The following RHOT1 variants were observed in gnomAD, a reference collection of about 807,000 sequenced individuals.
The protein encoded by RHOT1 is ras homolog family member T1, also known as mitochondrial Rho GTPase 1.
RHOT1 carries 27 observed loss-of-function variants against 95.3 expected under a neutral mutation model. The observed-to-expected ratio is 0.28, with a 90% CI of 0.21 to 0.39. RHOT1 has a LOEUF of 0.39. RHOT1 is among the 10% of genes least tolerant of loss of function. The pLI is 1.00. For missense variants in RHOT1, 578 were observed against 786.7 expected, an observed-to-expected ratio of 0.73 and a Z score of 3.17; for synonymous variants, 227 against 263.5, an observed-to-expected ratio of 0.86 and a Z score of 1.34.
chr17:32,177,578 A>G (rs961155906), intron 6 of RHOT1, among the ~76,000 whole-genome samples: 20 of 151,730 alleles, frequency 1.3e-4, no homozygotes, highest in Non-Finnish European at 2.9e-5. Context: ...ACACAGTGAA[A>G]CCCCATCTCT....
chr17:32,165,708 A>G (rs2034014921), intron 1 of RHOT1, among the ~76,000 whole-genome samples: 1 of 152,190 alleles, frequency 6.6e-6, no homozygotes, highest in African/African-American at 2.4e-5. Flanking sequence ...TTAGAAGTAA[A>G]ATGGAACTTG....
Position 32,211,185 on chromosome 17 carries a change from C to T in RHOT1, c.1809C>T (p.Asn603=), listed in dbSNP as rs757142962. The T allele has an allele frequency of 3.1e-6, 5 of 1,613,070 alleles. No individual in the cohort carries two copies. Among genetic ancestry groups the T allele is most frequent in the Non-Finnish European group, 4.2e-6 (5 of 1,179,196 alleles). ...TTTGCATCTGTCAGAACTTCCTCAA[C>T]TCAGACTTGCTGCAATCTGTAAAGA... ...CTFCICQNFL[N]SDLLQSVKNK... Residue 603 remains asparagine, a synonymous_variant, in exon 19 of 20, where the codon AAC becomes AAT. Transcript: ENST00000545287.
At chr17:32,216,273 C>G (rs1446445628) in intron 19 of RHOT1, among the ~76,000 whole-genome samples, 1 of 152,052 alleles carries the variant, frequency 6.6e-6, no homozygotes, top group Non-Finnish European at 1.5e-5. Context: ...TCTCAATCTC[C>G]TTCCCAGCTA....
chr17:32,205,535 A>G (rs2037651276), intron 16 of RHOT1, among the ~76,000 whole-genome samples: 1 of 152,256 alleles, frequency 6.6e-6, no homozygotes, highest in Non-Finnish European at 1.5e-5. Context: ...AGGCTACTCT[A>G]GGCACACTGC....
intron 3 of RHOT1, among the ~76,000 whole-genome samples, chr17:32,174,397 TTATC>T (rs1598352068): frequency 6.6e-6 from 1 of 152,236 alleles, no homozygotes; most frequent in African/African-American, 2.4e-5. Context: ...GTGGCTTGCA[TTATC>T]TGTATGTTGG....
At chr17:32,212,987 G>A (rs1163831973) in intron 19 of RHOT1, among the ~76,000 whole-genome samples, 1 of 151,958 alleles carries the variant, frequency 6.6e-6, no homozygotes, top group Non-Finnish European at 1.5e-5. Flanking sequence ...GTTGTAGTGC[G>A]ACTAGTCCAG....
intron 17 of RHOT1, chr17:32,207,277 A>G: frequency 2.8e-6 from 1 of 356,068 alleles, no homozygotes; most frequent in South Asian, 8.1e-5. Context: ...TTTTACATTA[A>G]TGCAAGCTCT....
chr17:32,193,070 C>A (rs2036615013), intron 9 of RHOT1, 66 bp from the exon 10 acceptor site: 4 of 938,506 alleles, frequency 4.3e-6, no homozygotes, highest in Non-Finnish European at 6.7e-6. Flanking sequence ...TGTAGATTAT[C>A]ATTTTATATT....
intron 17 of RHOT1, 111 bp downstream of exon 17, chr17:32,207,140 A>T: frequency 2.0e-6 from 2 of 988,570 alleles, no homozygotes; most frequent in Non-Finnish European, 3.0e-6. Context: ...TGTGTATTTT[A>T]AAAATACATA....
chr17:32,192,350 T>G, intron 9 of RHOT1, 51 bp downstream of exon 9: 1 of 1,046,886 alleles, frequency 9.6e-7, no homozygotes, highest in Non-Finnish European at 1.4e-6. Context: ...TTTTTTTTTT[T>G]TTTGCTGAAA....
intron 6 of RHOT1, chr17:32,179,299 C>A: frequency 6.8e-6 from 1 of 147,728 alleles, no homozygotes; most frequent in Non-Finnish European, 1.5e-5. Flanking sequence ...AGCTGCCACC[C>A]CGTCTGGGAT....
chr17:32,159,360 G>C (rs116744898), intron 1 of RHOT1: 2,006 of 153,340 alleles, frequency 0.013, 43 homozygotes, highest in African/African-American at 0.046. Flanking sequence ...AGTGTGATCA[G>C]GCATGGAGGG....
chr17:32,174,896 GTTA>G (rs2034870073), intron 3 of RHOT1, among the ~76,000 whole-genome samples: 1 of 152,112 alleles, frequency 6.6e-6, no homozygotes, highest in East Asian at 1.9e-4. Context: ...CTGGGTCTTG[GTTA>G]TTATTACTCC....
intron 19 of RHOT1, among the ~76,000 whole-genome samples, chr17:32,216,142 G>C (rs1453601608): frequency 1.3e-5 from 2 of 152,074 alleles, no homozygotes; most frequent in Admixed American, 1.3e-4. Flanking sequence ...TCTGACTTGA[G>C]AACACTCCTG....
chr17:32,164,786 A>G (rs554778822), intron 1 of RHOT1, among the ~76,000 whole-genome samples: 2 of 152,072 alleles, frequency 1.3e-5, no homozygotes, highest in African/African-American at 4.8e-5. Flanking sequence ...AGGATCGTTG[A>G]TCCTGGAAGG....
chr17:32,221,917 A>G (rs2038857590), intron 19 of RHOT1, among the ~76,000 whole-genome samples: 1 of 152,332 alleles, frequency 6.6e-6, no homozygotes, highest in African/African-American at 2.4e-5. Flanking sequence ...CCTGGACAAC[A>G]TAGTGAGACT....
chr17:32,182,683 G>A (rs1439305056), intron 6 of RHOT1, 74 bp from the exon 7 acceptor site: 1 of 878,444 alleles, frequency 1.1e-6, no homozygotes, highest in Non-Finnish European at 1.8e-6. Context: ...AGTTAGAATG[G>A]GTTATGATAT....
At chr17:32,149,874 T>A (rs2032069502) in intron 1 of RHOT1, among the ~76,000 whole-genome samples, 1 of 151,502 alleles carries the variant, frequency 6.6e-6, no homozygotes, top group Non-Finnish European at 1.5e-5. Context: ...TCAGCCTCCA[T>A]AGTAGCTGGG....
chr17:32,143,054 T>G, intron 1 of RHOT1: 35 of 640,842 alleles, frequency 5.5e-5, no homozygotes, highest in East Asian at 1.3e-4. Context: ...TCTCCTCCTT[T>G]TCCTCTTCGA....
Sources: allele counts gnomAD v4.1 joint callset (sites outside exome capture counted in the v4.1 genomes callset), GRCh38; gene constraint gnomAD v4.1.1; transcripts MANE v1.5; gene names NCBI Gene and HGNC (gene_info 2026-07-23, HGNC 2026-07-21).